SPAG16: variants seen among roughly 807,000 people sequenced by gnomAD.
SPAG16 encodes sperm associated antigen 16.
In SPAG16, 86 loss-of-function variants were observed where a neutral mutation model predicts 80.4. The observed-to-expected ratio is 1.07, with a 90% CI of 0.90 to 1.28. SPAG16 has a LOEUF of 1.28. SPAG16 is among the 50% of genes most tolerant of loss of function. SPAG16 has a pLI of 0.00. For missense variants in SPAG16, 870 were observed against 765.3 expected, an observed-to-expected ratio of 1.14 and a Z score of -1.61; for synonymous variants, 294 against 265.9, an observed-to-expected ratio of 1.11 and a Z score of -1.03.
chr2:213,391,492 A>G (rs772218002), intron 9 of SPAG16, among the ~76,000 whole-genome samples: 4 of 152,186 alleles, frequency 2.6e-5, no homozygotes, highest in Non-Finnish European at 5.9e-5. Context: ...TATTACCTGT[A>G]CAAACATGGG....
chr2:214,010,661 T>G (rs1186465202), intron 12 of SPAG16, among the ~76,000 whole-genome samples: 1 of 146,648 alleles, frequency 6.8e-6, no homozygotes, highest in Non-Finnish European at 1.5e-5. Context: ...CCCAAGAAAT[T>G]ATAACCAGCG....
At chr2:213,350,120 CT>C (rs2125040900) in intron 6 of SPAG16, among the ~76,000 whole-genome samples, 1 of 152,080 alleles carries the variant, frequency 6.6e-6, no homozygotes, top group East Asian at 1.9e-4. Flanking sequence ...AAAGACTATC[CT>C]TTAGTTTATT....
At chr2:214,386,089 G>C (rs1391596654) in intron 15 of SPAG16, among the ~76,000 whole-genome samples, 1 of 151,970 alleles carries the variant, frequency 6.6e-6, no homozygotes, top group Non-Finnish European at 1.5e-5. Context: ...AAAGACAAAA[G>C]TAGGGCTGGG....
intron 13 of SPAG16, among the ~76,000 whole-genome samples, chr2:214,088,491 C>G (rs961848153): frequency 1.1e-4 from 16 of 151,874 alleles, no homozygotes; most frequent in African/African-American, 3.9e-4. Context: ...GAAAAATGTA[C>G]AAGCTTACAG....
chr2:213,635,607 C>T (rs1430217078), intron 10 of SPAG16, among the ~76,000 whole-genome samples: 1 of 152,092 alleles, frequency 6.6e-6, no homozygotes, highest in Non-Finnish European at 1.5e-5. Context: ...AATGGCCATT[C>T]TTTCAGCAGT....
chr2:214,110,293 C>T (rs2053599705), intron 14 of SPAG16, among the ~76,000 whole-genome samples: 1 of 152,044 alleles, frequency 6.6e-6, no homozygotes, highest in Admixed American at 6.6e-5. Flanking sequence ...TCCCCCAGCC[C>T]CCACCCCTGA....
At chr2:214,097,669 G>T (rs2052689851) in intron 13 of SPAG16, among the ~76,000 whole-genome samples, 1 of 152,022 alleles carries the variant, frequency 6.6e-6, no homozygotes, top group African/African-American at 2.4e-5. Flanking sequence ...CAATGTGTGT[G>T]TGTGTGCGTG....
intron 13 of SPAG16, among the ~76,000 whole-genome samples, chr2:214,063,888 G>A (rs934468296): frequency 5.9e-5 from 9 of 151,996 alleles, no homozygotes; most frequent in Non-Finnish European, 1.0e-4. Context: ...ACTCTCCTAT[G>A]AGGGCAGGAA....
chr2:213,987,229 C>T (rs1266657872), intron 12 of SPAG16, among the ~76,000 whole-genome samples: 3 of 151,972 alleles, frequency 2.0e-5, no homozygotes, highest in Non-Finnish European at 4.4e-5. Flanking sequence ...CTGGCCCTGT[C>T]CTTGGTCTAA....
intron 10 of SPAG16, among the ~76,000 whole-genome samples, chr2:213,802,656 A>G (rs1234513947): frequency 6.6e-6 from 1 of 152,184 alleles, no homozygotes; most frequent in Non-Finnish European, 1.5e-5. Context: ...CTGATTCCCT[A>G]AGAGGAATAA....
chr2:213,755,963 T>G (rs1464766299), intron 10 of SPAG16, among the ~76,000 whole-genome samples: 1 of 152,196 alleles, frequency 6.6e-6, no homozygotes, highest in African/African-American at 2.4e-5. Context: ...AATATCTATA[T>G]ACCTATATAT....
chr2:214,160,264 T>C (rs2056384787), intron 15 of SPAG16, among the ~76,000 whole-genome samples: 1 of 151,990 alleles, frequency 6.6e-6, no homozygotes, highest in Non-Finnish European at 1.5e-5. Context: ...ACTCAGTAAT[T>C]AGTGTAAGTT....
At chr2:213,769,478 G>A (rs2069125663) in intron 10 of SPAG16, among the ~76,000 whole-genome samples, 2 of 152,114 alleles carry the variant, frequency 1.3e-5, no homozygotes, top group African/African-American at 4.8e-5. Flanking sequence ...AGATTAGGTG[G>A]TATACCAGAG....
chr2:214,391,761 C>G (rs1005491969), intron 15 of SPAG16, among the ~76,000 whole-genome samples: 1 of 152,100 alleles, frequency 6.6e-6, no homozygotes. Context: ...TTGATGTCAC[C>G]AGCTACAAAG....
chr2:213,927,308 G>A (rs1261133204), intron 11 of SPAG16, among the ~76,000 whole-genome samples: 2 of 152,194 alleles, frequency 1.3e-5, no homozygotes, highest in East Asian at 3.8e-4. Flanking sequence ...ACATTCACTT[G>A]TGCTCTTTTT....
rs376281717 is a variant in SPAG16 at position 213,805,775 on chromosome 2, T to C, written c.1071-56710T>C. Among the ~76,000 whole-genome samples, 61 of 152,294 alleles carry C rather than the reference T, an allele frequency of 4.0e-4. No homozygotes were observed. The South Asian group carries it at 4.3e-3, about 11-fold the overall frequency. ...AGAAGATCCCAATATAAAAATACAG[T>C]AAAATGTCTATAATGCAAATAAACT... On this transcript the variant is annotated intron_variant, in intron 10 of 15. Transcript: ENST00000331683.
chr2:214,024,258 T>G (rs192863753), intron 13 of SPAG16, among the ~76,000 whole-genome samples: 1 of 151,608 alleles, frequency 6.6e-6, no homozygotes, highest in Admixed American at 6.6e-5. Context: ...AGAAGTAATA[T>G]GGGCTAAATC....
At chr2:213,583,537 G>T (rs935881970) in intron 10 of SPAG16, among the ~76,000 whole-genome samples, 1 of 152,088 alleles carries the variant, frequency 6.6e-6, no homozygotes, top group Non-Finnish European at 1.5e-5. Flanking sequence ...TTCATATACT[G>T]CTAAATCTTT....
At chr2:213,516,645 CTCAAAA>C (rs1257212118) in intron 10 of SPAG16, among the ~76,000 whole-genome samples, 4 of 152,054 alleles carry the variant, frequency 2.6e-5, no homozygotes, top group Non-Finnish European at 5.9e-5. Context: ...CCTCAAAGAA[CTCAAAA>C]TCTAACTGTA....
Sources: allele counts gnomAD v4.1 joint callset (sites outside exome capture counted in the v4.1 genomes callset), GRCh38; gene constraint gnomAD v4.1.1; transcripts MANE v1.5; gene names NCBI Gene and HGNC (gene_info 2026-07-23, HGNC 2026-07-21).